SLC12A5: variants seen among roughly 807,000 people sequenced by gnomAD.
The protein encoded by SLC12A5 is solute carrier family 12 member 5.
A neutral mutation model predicts 124.0 loss-of-function variants in SLC12A5; 18 were observed. The observed-to-expected ratio is 0.15, with a 90% CI of 0.10 to 0.22. The LOEUF is 0.22. SLC12A5 is among the 10% of genes least tolerant of loss of function. The pLI is 1.00. For missense variants in SLC12A5, 867 were observed against 1,478.7 expected (o/e 0.59, Z 6.78); for synonymous variants, 589 against 568.0 (o/e 1.04, Z -0.53).
In SLC12A5 at chr20:46,037,232, C is replaced by T. The variant is rs6017730; in HGVS notation, c.482-23C>T. 4 of 1,581,678 alleles carry T rather than the reference C, an allele frequency of 2.5e-6. No individual in the cohort carries two copies. The African/African-American group carries it at 5.4e-5, about 21-fold the overall frequency. ...CAGCCCAGTGCCCCCGACCCTCTCGCTGATACCAGATTCTCCCTGCAGCTG... is the reference window on the plus strand; with the variant it reads ...CAGCCCAGTGCCCCCGACCCTCTCGTTGATACCAGATTCTCCCTGCAGCTG... On this transcript the variant is annotated intron_variant, in intron 5 of 25. Coordinates refer to ENST00000243964, the MANE Select transcript of SLC12A5 (RefSeq NM_020708.5).
intron 7 of SLC12A5, chr20:46,041,076 C>T: frequency 2.3e-6 from 1 of 438,958 alleles, no homozygotes; most frequent in Non-Finnish European, 4.2e-6. Flanking sequence ...CCCCCGAGAC[C>T]GCTGTCCACG....
In SLC12A5 at chr20:46,041,455, C is replaced by T; in HGVS notation, c.981C>T (p.Leu327=). ...GCCTTTTCTGCTCCTCTCGCTTCCT[C>T]AACGCCACCTGTGATGAATACTTCA... ...LWGLFCSSRF[L]NATCDEYFTR... The change falls in exon 8 of 26, where the codon CTC becomes CTT. Residue 327 remains leucine, a synonymous_variant. Coordinates refer to ENST00000243964, the MANE Select transcript of SLC12A5 (RefSeq NM_020708.5). The T allele has an allele frequency of 6.2e-7, 1 of 1,614,164 alleles. No homozygotes were observed. The highest frequency in any genetic ancestry group is 1.1e-5 in the South Asian group (1 of 91,078).
chr20:46,044,763 C>T, intron 11 of SLC12A5: 2 of 616,208 alleles, frequency 3.2e-6, no homozygotes, highest in Non-Finnish European at 5.6e-6. Flanking sequence ...GGCCTAGAGG[C>T]CTGGTTTTCA....
Position 46,030,565 on chromosome 20 carries a change from G to T in SLC12A5, c.52+1169G>T, listed in dbSNP as rs376907124. Among the ~76,000 whole-genome samples the T allele has an allele frequency of 1.2e-4, 18 of 149,932 alleles. No individual in the cohort carries two copies. In the South Asian group the frequency reaches 1.5e-3, roughly 12 times the overall value. ...CGCTGCGTCCCCTGCGCACTAGCGC[G>T]CCTCCCGCGCCTGCTGTCTGCGCTC... On this transcript the variant is annotated intron_variant, in intron 1 of 25. Transcript: ENST00000243964.
At chr20:46,036,660 A>G in intron 4 of SLC12A5, 81 bp from the exon 5 acceptor site, 2 of 1,486,360 alleles carry the variant, frequency 1.3e-6, no homozygotes, top group Non-Finnish European at 1.9e-6. Flanking sequence ...GCTGGTGTTT[A>G]TGGGGTATAA....
At chr20:46,041,927 G>T (rs1405708001) in intron 8 of SLC12A5, among the ~76,000 whole-genome samples, 1 of 125,984 alleles carries the variant, frequency 7.9e-6, no homozygotes, top group African/African-American at 2.9e-5. Context: ...GAGAATGCCC[G>T]GGGGGGGAGA....
intron 8 of SLC12A5, 89 bp from the exon 9 acceptor site, chr20:46,043,064 C>G (rs1024863131): frequency 7.7e-7 from 1 of 1,300,840 alleles, no homozygotes; most frequent in Non-Finnish European, 1.1e-6. Flanking sequence ...TGATCTTGAC[C>G]CTGACTTTTT....
In SLC12A5 at chr20:46,057,669, C is replaced by T; in HGVS notation, c.*64C>T. ...CCGCGGCTCCGGAGCCCTCGCCGCG[C>T]CCCCCGCCGCTGTCACCGTTTACAT... On this transcript the variant is annotated 3_prime_UTR_variant, in exon 26 of 26. Transcript: ENST00000243964. This position sits in a 1 kb window ranked among gnomAD's most constrained non-coding sequence, Gnocchi z 7.1. The T allele has an allele frequency of 4.0e-6, 5 of 1,238,776 alleles. No homozygotes were observed. The highest frequency in any genetic ancestry group is 2.5e-5 in the East Asian group (1 of 39,934). The allele number at this position is 1,238,776 out of a possible 1,614,324, so 76.7% of individuals were successfully genotyped here. A position where few individuals can be genotyped will look rare whatever the true frequency, so the allele number is the denominator to read the frequency against.
rs145138367 is a variant in SLC12A5 at position 46,041,575 on chromosome 20, C to T, written c.1066+35C>T. ...GGGACAAGGGCTGGCATCCAGGGAA[C>T]GCTGCAGGGATTGTAGGTTAAGCGG... On this transcript the variant is annotated intron_variant, in intron 8 of 25. Coordinates refer to ENST00000243964, the MANE Select transcript of SLC12A5 (RefSeq NM_020708.5). 6.7e-3 allele frequency: 10,833 copies of T among 1,607,440 alleles called. 46 individuals carry two copies. Among genetic ancestry groups the T allele is most frequent in the Non-Finnish European group, 7.9e-3 (9,285 of 1,175,850 alleles).
Position 46,040,604 on chromosome 20 carries a change from C to G in SLC12A5, c.844C>G (p.Pro282Ala), listed in dbSNP as rs1452331627. 6.2e-7 allele frequency: 1 copy of G among 1,614,094 alleles called. No individual in the cohort carries two copies. The highest frequency in any genetic ancestry group is 1.1e-5 in the South Asian group (1 of 91,078). The change falls in exon 7 of 26, where the codon CCC becomes GCC. Residue 282 changes from proline (P) to alanine (A), a missense_variant. Transcript: ENST00000243964. ...GGTCATCAAGTCTGCCTTCGACCCA[C>G]CCAACTTCCCGTGAGTGCTGCTGCT... ...AGVIKSAFDP[P>A]NFPICLLGNR...
intron 16 of SLC12A5, 116 bp downstream of exon 16, chr20:46,048,201 C>G (rs1371656355): frequency 2.4e-5 from 22 of 922,908 alleles, no homozygotes; most frequent in Non-Finnish European, 3.2e-5. Context: ...TTTGCTGAGT[C>G]GTGCCCTAAA....
intron 18 of SLC12A5, 25 bp from the exon 19 acceptor site, chr20:46,052,931 CT>C (rs771452696): frequency 6.3e-7 from 1 of 1,589,824 alleles, no homozygotes; most frequent in Non-Finnish European, 8.6e-7. Context: ...GTTTCCCCCT[CT>C]GGCCCTCTCC....
At chr20:46,048,160 A>G in intron 16 of SLC12A5, 75 bp downstream of exon 16, 4 of 1,354,568 alleles carry the variant, frequency 3.0e-6, no homozygotes, top group Non-Finnish European at 4.1e-6. Flanking sequence ...GGGGGAAGGG[A>G]GCAGGGCCTG....
Position 46,053,121 on chromosome 20 carries a change from C to A in SLC12A5, c.2542C>A (p.His848Asn). Reference sequence around the variant, plus strand: ...GCTGCTGCCCTTCCTGCTGCGGCACCACAAGGTGAGTTGTGTGCGTGAGTG... The same window carrying A: ...GCTGCTGCCCTTCCTGCTGCGGCACAACAAGGTGAGTTGTGTGCGTGAGTG... Reference protein sequence around the residue: ...LMLLPFLLRHHKVWRKCKMRI... With the variant: ...LMLLPFLLRHNKVWRKCKMRI... The change falls in exon 19 of 26, where the codon CAC (histidine) becomes AAC (asparagine). Residue 848 changes from histidine (H) to asparagine (N), a missense_variant. By Grantham distance (68) the His-to-Asn change is moderately conservative (BLOSUM62 1). Transcript: ENST00000243964. This position sits in a 1 kb window ranked among gnomAD's most constrained non-coding sequence, Gnocchi z 4.7. The A allele has an allele frequency of 1.2e-6, 2 of 1,609,414 alleles. No homozygotes were observed. The highest frequency in any genetic ancestry group is 8.5e-7 in the Non-Finnish European group (1 of 1,176,002).
At position 46,039,136 on chromosome 20, in the gene SLC12A5, T is replaced by G. The variant is rs76521682; in HGVS notation, c.613-1237T>G. On this transcript the variant is annotated intron_variant, in intron 6 of 25. Transcript: ENST00000243964. ...TCTATGTGGTATTGTATTCTGTCTA[T>G]GTAAAATATAACCCTATACCTAAGC... Among the ~76,000 whole-genome samples, 143 of 152,360 alleles carry G rather than the reference T, an allele frequency of 9.4e-4. 3 individuals carry two copies. In the East Asian group the frequency reaches 0.021, roughly 23 times the overall value.
At position 46,041,361 on chromosome 20, in the gene SLC12A5, G is replaced by A. The variant is rs114371269; in HGVS notation, c.887G>A (p.Arg296His). 7.3e-5 allele frequency: 118 copies of A among 1,614,078 alleles called. No homozygotes were observed. The African/African-American group carries it at 1.1e-3, about 16-fold the overall frequency. Reference protein sequence around the residue: ...ICLLGNRTLSRHGFDVCAKLA... With the variant: ...ICLLGNRTLSHHGFDVCAKLA... ...CTCCTGGGTAACCGCACGCTGTCTCGCCATGGCTTTGATGTCTGTGCCAAG... is the reference window on the plus strand; with the variant it reads ...CTCCTGGGTAACCGCACGCTGTCTCACCATGGCTTTGATGTCTGTGCCAAG... The change falls in exon 8 of 26, where the codon CGC becomes CAC. Residue 296 changes from arginine to histidine, a missense_variant. Arg to His is a conservative substitution (Grantham distance 29). Around this residue, in one of 9 missense-constraint regions of SLC12A5, gnomAD observed 127 missense variants for 164.1 expected, o/e 0.77. Transcript: ENST00000243964.
In SLC12A5 at chr20:46,058,576, C is replaced by G. The variant is rs769353411; in HGVS notation, c.*971C>G. On this transcript the variant is annotated 3_prime_UTR_variant, in exon 26 of 26. Transcript: ENST00000243964. This position sits in a 1 kb window ranked among gnomAD's most constrained non-coding sequence, Gnocchi z 5.8. ...AGAGGAAGAAACCGAGAGGCCCGCG[C>G]CCCACCGAGGAAGCCCCGCCCCGGT... 8 of 399,054 alleles carry G rather than the reference C, an allele frequency of 2.0e-5. No homozygotes were observed. Among genetic ancestry groups the G allele is most frequent in the Non-Finnish European group, 2.7e-5 (6 of 226,200 alleles). 24.7% of individuals were successfully genotyped at this position (399,054 alleles called of 1,614,324 possible).
chr20:46,038,998 T>C (rs1388321574), intron 6 of SLC12A5, among the ~76,000 whole-genome samples: 2 of 152,182 alleles, frequency 1.3e-5, no homozygotes, highest in African/African-American at 4.8e-5. Context: ...ATTCTGCCCA[T>C]TGCAGAAAAT....
rs2084730785 is a variant in SLC12A5 at position 46,059,402 on chromosome 20, C to G, written c.*1797C>G. 2.5e-6 allele frequency: 1 copy of G among 395,900 alleles called. No homozygotes were observed. Among genetic ancestry groups the G allele is most frequent in the Non-Finnish European group, 4.4e-6 (1 of 224,830 alleles). The allele number at this position is 395,900 out of a possible 1,614,324, so 24.5% of individuals were successfully genotyped here. ...ATTCGATCAGGGGACTGGATAGATT[C>G]TTTCAGGTACTCAATCAGGAAGCTG... On this transcript the variant is annotated 3_prime_UTR_variant, in exon 26 of 26. Coordinates refer to ENST00000243964, the MANE Select transcript of SLC12A5 (RefSeq NM_020708.5).
Sources: gnomAD v4.1 joint callset for allele counts (sites outside exome capture counted in the v4.1 genomes callset) on GRCh38, gnomAD v4.1.1 for gene constraint, gnomAD v4.1.1 regional missense constraint, Gnocchi (gnomAD v3.1) non-coding constraint, MANE v1.5 for transcripts, NCBI Gene and HGNC (gene_info 2026-07-23, HGNC 2026-07-21) for gene names.